Variants in SPRED2 observed in about 807,000 individuals in gnomAD.
The protein encoded by SPRED2 is sprouty related EVH1 domain containing 2.
A neutral mutation model predicts 43.0 loss-of-function variants in SPRED2; 47 were observed. The ratio of observed to expected loss-of-function variants is 1.09; its 90% CI spans 0.87 to 1.40. The LOEUF (loss-of-function observed/expected upper bound fraction) is 1.40. SPRED2 is among the 40% of genes most tolerant of loss of function. SPRED2 has a pLI of 0.00. For synonymous variants in SPRED2, 225 were observed against 225.7 expected, an observed-to-expected ratio of 1.00 and a Z score of 0.03; for missense variants, 561 against 586.4, an observed-to-expected ratio of 0.96 and a Z score of 0.45.
intron 1 of SPRED2, among the ~76,000 whole-genome samples, chr2:65,393,071 CA>C (rs917087903): frequency 1.3e-5 from 2 of 152,166 alleles, no homozygotes; most frequent in African/African-American, 2.4e-5. Flanking sequence ...ATTTTTCTTA[CA>C]AAAAGTTGTT....
chr2:65,341,009 AG>A (rs1674161780), intron 2 of SPRED2, among the ~76,000 whole-genome samples: 1 of 143,256 alleles, frequency 7.0e-6, no homozygotes, highest in African/African-American at 2.6e-5. Flanking sequence ...GAGAGGCCAA[AG>A]GAAGAGTTAT....
At chr2:65,416,908 AGTTAACCTATG>A (rs1197994406) in intron 1 of SPRED2, among the ~76,000 whole-genome samples, 3 of 152,200 alleles carry the variant, frequency 2.0e-5, no homozygotes, top group African/African-American at 7.2e-5. Flanking sequence ...CTTTATTCGG[AGTTAACCTATG>A]GTGCAGTGGC....
intron 1 of SPRED2, among the ~76,000 whole-genome samples, chr2:65,430,460 G>T (rs1378005748): frequency 1.3e-5 from 2 of 152,188 alleles, no homozygotes; most frequent in African/African-American, 4.8e-5. Flanking sequence ...GGCAACAGCA[G>T]ACGCCAAAGG....
Position 65,351,792 on chromosome 2 carries a change from C to T in SPRED2, c.27-6896G>A, listed in dbSNP as rs565419713. 1.9e-4 allele frequency among the ~76,000 whole-genome samples: 29 copies of T among 152,224 alleles called. No homozygotes were observed. In the South Asian group the frequency reaches 6.0e-3, roughly 32 times the overall value. On this transcript the variant is annotated intron_variant, in intron 1 of 5. Coordinates refer to ENST00000356388, the MANE Select transcript of SPRED2 (RefSeq NM_181784.3). Reference sequence around the variant, plus strand: ...CAGTAGAATCAAATGTGTTGAGAAGCTGAGGGTACTGGTCATACTTTCTAT... The same window carrying T: ...CAGTAGAATCAAATGTGTTGAGAAGTTGAGGGTACTGGTCATACTTTCTAT...
intron 1 of SPRED2, among the ~76,000 whole-genome samples, chr2:65,359,596 A>G (rs998838542): frequency 1.3e-5 from 2 of 152,158 alleles, no homozygotes; most frequent in African/African-American, 4.8e-5. Flanking sequence ...TGCAGCAGGG[A>G]GCCCAACCAA....
chr2:65,394,509 T>C (rs536439500), intron 1 of SPRED2, among the ~76,000 whole-genome samples: 1 of 152,276 alleles, frequency 6.6e-6, no homozygotes, highest in South Asian at 2.1e-4. Context: ...GAGGAACACA[T>C]ACTTTATGAC....
intron 3 of SPRED2, 45 bp from the exon 4 acceptor site, chr2:65,332,096 C>A: frequency 1.6e-6 from 2 of 1,262,122 alleles, no homozygotes; most frequent in Admixed American, 2.0e-5. Context: ...CAAGAGGATA[C>A]ATCAAATCCA....
chr2:65,334,655 G>A lies in SPRED2; in HGVS notation c.323C>T (p.Ala108Val). The A allele has an allele frequency of 6.2e-7, 1 of 1,614,212 alleles. No individual in the cohort carries two copies. Among genetic ancestry groups the A allele is most frequent in the Non-Finnish European group, 8.5e-7 (1 of 1,180,046 alleles). Residue 108 changes from alanine to valine, a missense_variant, in exon 3 of 6, where the codon GCC becomes GTC. Ala to Val is a moderately conservative substitution (Grantham distance 64, BLOSUM62 0). Around this residue, in one of 6 missense-constraint regions of SPRED2, gnomAD observed 305 missense variants for 282.4 expected, o/e 1.08. Transcript: ENST00000356388. ...CCTTACTCCCCTGTCAAAGGCTCGG[G>A]CATCAGCAGGGCTTTGGAAAGTAAG... is the stretch of plus-strand genomic sequence containing the variant. Reference protein sequence around the residue: ...FGLTFQSPADARAFDRGVRKA... With the variant: ...FGLTFQSPADVRAFDRGVRKA...
intron 4 of SPRED2, among the ~76,000 whole-genome samples, chr2:65,331,069 C>T (rs1673797597): frequency 6.6e-6 from 1 of 152,124 alleles, no homozygotes; most frequent in South Asian, 2.1e-4. Context: ...TCCTGGGTCA[C>T]AACATACATA....
At chr2:65,369,689 AGGGAAACAGCAGAAGC>A (rs1675074869) in intron 1 of SPRED2, among the ~76,000 whole-genome samples, 1 of 4,472 alleles carries the variant, frequency 2.2e-4, no homozygotes, top group East Asian at 8.3e-3. Context: ...GCTTAGAGGT[AGGGAAACAGCAGAAGC>A]TGCTCTGTGC....
downstream of SPRED2, chr2:65,308,199 A>G (rs936334541): frequency 4.7e-6 from 3 of 645,060 alleles, no homozygotes; most frequent in African/African-American, 2.0e-5. Context: ...AGGCCAGAGA[A>G]GCGGGGTGGG....
intron 1 of SPRED2, among the ~76,000 whole-genome samples, chr2:65,356,661 A>G (rs781012478): frequency 1.3e-5 from 2 of 150,378 alleles, no homozygotes; most frequent in Non-Finnish European, 2.9e-5. Context: ...ACCAAATTCT[A>G]AACCTACAAA....
chr2:65,339,388 T>A (rs1674110956), intron 2 of SPRED2, among the ~76,000 whole-genome samples: 1 of 151,428 alleles, frequency 6.6e-6, no homozygotes, highest in African/African-American at 2.4e-5. Flanking sequence ...CCAAGAAAAA[T>A]TCTTCTGCCT....
At chr2:65,351,426 A>C (rs960995202) in intron 1 of SPRED2, among the ~76,000 whole-genome samples, 1 of 151,802 alleles carries the variant, frequency 6.6e-6, no homozygotes, top group Admixed American at 6.6e-5. Flanking sequence ...CGGCTCCTTT[A>C]TCTCTCCATT....
At chr2:65,355,914 T>A (rs1674632329) in intron 1 of SPRED2, among the ~76,000 whole-genome samples, 1 of 152,194 alleles carries the variant, frequency 6.6e-6, no homozygotes, top group South Asian at 2.1e-4. Context: ...GTATTTGTGA[T>A]CCACATTTAA....
chr2:65,351,951 C>T (rs569068943), intron 1 of SPRED2, among the ~76,000 whole-genome samples: 16 of 152,266 alleles, frequency 1.1e-4, no homozygotes, highest in Admixed American at 3.9e-4. Flanking sequence ...GTTAACATAA[C>T]GTAATTTTAT....
At chr2:65,398,840 C>G (rs1367898673) in intron 1 of SPRED2, among the ~76,000 whole-genome samples, 2 of 151,594 alleles carry the variant, frequency 1.3e-5, no homozygotes, top group African/African-American at 2.4e-5. Flanking sequence ...AGCAGAACTG[C>G]CATTTGGTCC....
intron 1 of SPRED2, among the ~76,000 whole-genome samples, chr2:65,422,659 T>C (rs1484273376): frequency 6.6e-6 from 1 of 152,150 alleles, no homozygotes; most frequent in Admixed American, 6.6e-5. Flanking sequence ...CGATTCACAG[T>C]ATATCACACT....
chr2:65,427,461 C>G (rs971950009), intron 1 of SPRED2, among the ~76,000 whole-genome samples: 2 of 152,152 alleles, frequency 1.3e-5, no homozygotes, highest in Admixed American at 6.5e-5. Flanking sequence ...AGAAACATAC[C>G]TCCCTTTTTA....
Sources: allele counts gnomAD v4.1 joint callset (sites outside exome capture counted in the v4.1 genomes callset), GRCh38; gene constraint gnomAD v4.1.1; regional missense constraint gnomAD v4.1.1; transcripts MANE v1.5; gene names NCBI Gene and HGNC (gene_info 2026-07-23, HGNC 2026-07-21).